The following CCSER1 variants were observed in gnomAD, a reference collection of about 807,000 sequenced individuals.
The protein encoded by CCSER1 is coiled-coil serine rich protein 1.
A neutral mutation model predicts 82.0 loss-of-function variants in CCSER1; 41 were observed. The observed-to-expected ratio is 0.50, with a 90% CI of 0.39 to 0.65. The LOEUF (loss-of-function observed/expected upper bound fraction) is 0.65, where lower values mean the gene tolerates loss of function less well. Ranked by LOEUF, CCSER1 falls within the 30% of genes least tolerant of loss-of-function variation. CCSER1 has a pLI of 0.00. For synonymous variants in CCSER1, 414 were observed against 383.9 expected (o/e 1.08, Z -0.92); for missense variants, 1,119 against 1,064.2 (o/e 1.05, Z -0.72).
At chr4:91,500,620 C>CAT (rs1243410119) in intron 10 of CCSER1, among the ~76,000 whole-genome samples, 1 of 151,952 alleles carries the variant, frequency 6.6e-6, no homozygotes, top group Admixed American at 6.6e-5. Context: ...TAAAGGATAG[C>CAT]ATAGGCTCTG....
chr4:91,585,940 T>G (rs1180111217), intron 10 of CCSER1, among the ~76,000 whole-genome samples: 1 of 151,616 alleles, frequency 6.6e-6, no homozygotes, highest in Non-Finnish European at 1.5e-5. Flanking sequence ...AAATTTGCAT[T>G]AAAAAATTAT....
chr4:90,998,420 T>C (rs2150468147), intron 9 of CCSER1, among the ~76,000 whole-genome samples: 1 of 152,024 alleles, frequency 6.6e-6, no homozygotes, highest in Admixed American at 6.6e-5. Context: ...CCGTGGATTT[T>C]CCCCTCTCAA....
At chr4:90,433,131 T>G (rs1439782345) in intron 4 of CCSER1, among the ~76,000 whole-genome samples, 1 of 152,136 alleles carries the variant, frequency 6.6e-6, no homozygotes, top group Non-Finnish European at 1.5e-5. Flanking sequence ...ACTTGAGATC[T>G]TCACATGGAT....
At chr4:90,146,721 A>G (rs1053130196) in intron 1 of CCSER1, among the ~76,000 whole-genome samples, 1 of 152,110 alleles carries the variant, frequency 6.6e-6, no homozygotes, top group African/African-American at 2.4e-5. Context: ...AGGATTATAT[A>G]TCTTTTAGAA....
intron 10 of CCSER1, among the ~76,000 whole-genome samples, chr4:91,308,445 C>T (rs1321462827): frequency 6.6e-6 from 1 of 151,952 alleles, no homozygotes; most frequent in Non-Finnish European, 1.5e-5. Flanking sequence ...GAGAGATTTA[C>T]AAACATTTTT....
chr4:90,242,373 T>G (rs952293252), intron 1 of CCSER1, among the ~76,000 whole-genome samples: 2 of 152,298 alleles, frequency 1.3e-5, no homozygotes, highest in African/African-American at 4.8e-5. Flanking sequence ...TTAGGCACTA[T>G]TCCCAATGTT....
chr4:90,410,847 G>A (rs895730641), intron 4 of CCSER1, among the ~76,000 whole-genome samples: 3 of 152,074 alleles, frequency 2.0e-5, no homozygotes, highest in South Asian at 2.1e-4. Flanking sequence ...CTGGTTTTTC[G>A]AAAGGATCAA....
At chr4:91,103,765 A>G (rs990206968) in intron 10 of CCSER1, among the ~76,000 whole-genome samples, 2 of 152,174 alleles carry the variant, frequency 1.3e-5, no homozygotes, top group East Asian at 1.9e-4. Flanking sequence ...TTTGAACAAT[A>G]TGAAATCAGT....
At chr4:91,078,309 A>G (rs892637466) in intron 9 of CCSER1, among the ~76,000 whole-genome samples, 3 of 152,088 alleles carry the variant, frequency 2.0e-5, no homozygotes, top group Admixed American at 2.0e-4. Flanking sequence ...TACCCAGGCA[A>G]ACAGGGTCTG....
chr4:90,440,953 C>G (rs1394854661), intron 4 of CCSER1, among the ~76,000 whole-genome samples: 1 of 151,368 alleles, frequency 6.6e-6, no homozygotes, highest in Non-Finnish European at 1.5e-5. Context: ...GGATTTTCTT[C>G]TGACTAGAAA....
Position 90,643,454 on chromosome 4 carries a change from GTCTAAA to G in CCSER1, c.1932+15226_1932+15231del, listed in dbSNP as rs143388485. Among the ~76,000 whole-genome samples, 877 of 152,236 alleles carry G rather than the reference GTCTAAA, an allele frequency of 5.8e-3. 4 individuals carry two copies. The highest frequency in any genetic ancestry group is 0.02 in the African/African-American group (810 of 41,536). ...TTAGTTTTAGGAGCAAGAATATACA[GTCTAAA>G]TCTTATTCCATTACTAGTTAAATGT... On this transcript the variant is annotated intron_variant, in intron 6 of 10. Coordinates refer to ENST00000509176, the MANE Select transcript of CCSER1 (RefSeq NM_001145065.2).
chr4:91,552,160 A>G (rs1398216094), intron 10 of CCSER1, among the ~76,000 whole-genome samples: 1 of 151,736 alleles, frequency 6.6e-6, no homozygotes, highest in Admixed American at 6.6e-5. Flanking sequence ...CTACCCTCAA[A>G]TTTGCATAGA....
intron 8 of CCSER1, among the ~76,000 whole-genome samples, chr4:90,917,527 G>T (rs1235488264): frequency 6.6e-6 from 1 of 152,072 alleles, no homozygotes; most frequent in African/African-American, 2.4e-5. Flanking sequence ...TAGAAGGAGG[G>T]GGGAGGGATA....
intron 1 of CCSER1, among the ~76,000 whole-genome samples, chr4:90,273,720 GA>G (rs1444039654): frequency 8.5e-5 from 13 of 152,190 alleles, no homozygotes; most frequent in African/African-American, 3.1e-4. Flanking sequence ...AACCTGTGAA[GA>G]ATTCTCCCTG....
At chr4:91,048,994 C>G (rs1329322606) in intron 9 of CCSER1, among the ~76,000 whole-genome samples, 1 of 152,072 alleles carries the variant, frequency 6.6e-6, no homozygotes, top group African/African-American at 2.4e-5. Flanking sequence ...GTCTGGGATA[C>G]TTAAGGCTTT....
At chr4:91,238,809 G>A (rs941137472) in intron 10 of CCSER1, among the ~76,000 whole-genome samples, 2 of 150,986 alleles carry the variant, frequency 1.3e-5, no homozygotes, top group Non-Finnish European at 3.0e-5. Context: ...ATTACTAAGT[G>A]TTAGATACTA....
chr4:90,352,207 C>T (rs1743582961), intron 3 of CCSER1, among the ~76,000 whole-genome samples: 1 of 151,940 alleles, frequency 6.6e-6, no homozygotes, highest in African/African-American at 2.4e-5. Context: ...GCCTGTTGTC[C>T]CAGCTACTCG....
intron 10 of CCSER1, among the ~76,000 whole-genome samples, chr4:91,249,984 T>C (rs1197977934): frequency 6.6e-6 from 1 of 152,070 alleles, no homozygotes; most frequent in Non-Finnish European, 1.5e-5. Context: ...GAATGCAAGA[T>C]GTTCAAAACT....
At position 90,723,983 on chromosome 4, in the gene CCSER1, C is replaced by CCTTT; in HGVS notation, c.2004_2007dup (p.Lys670PhefsTer8). 1 of 1,560,534 alleles carries CCTTT rather than the reference C, an allele frequency of 6.4e-7. No individual in the cohort carries two copies. The highest frequency in any genetic ancestry group is 8.7e-7 in the Non-Finnish European group (1 of 1,147,794). ...TAGTCCTCTTACTGAAGAGCCAGTGCCTTTCAAGGTAAAAAACAAACAAGA... is the reference window on the plus strand; with the variant it reads ...TAGTCCTCTTACTGAAGAGCCAGTGCCTTTCTTTCAAGGTAAAAAACAAACAAGA... On this transcript the variant is annotated frameshift_variant, in exon 7 of 11. Transcript: ENST00000509176. LOFTEE classifies it high-confidence loss of function.
Sources: gnomAD v4.1 joint callset for allele counts (sites outside exome capture counted in the v4.1 genomes callset) on GRCh38, gnomAD v4.1.1 for gene constraint, MANE v1.5 for transcripts, NCBI Gene and HGNC (gene_info 2026-07-23, HGNC 2026-07-21) for gene names.